Variants in SLC45A1 observed in about 807,000 individuals in gnomAD.
SLC45A1 encodes the protein solute carrier family 45 member 1, also known as proton-associated sugar transporter A.
In SLC45A1, 28 loss-of-function variants were observed where a neutral mutation model predicts 57.6. That is an observed-to-expected ratio of 0.49 (90% CI 0.36 to 0.67). The LOEUF is 0.67. Ranked by LOEUF, SLC45A1 falls within the 30% of genes least tolerant of loss-of-function variation. The pLI is 0.00. For missense variants in SLC45A1, 814 were observed against 1,041.5 expected, an observed-to-expected ratio of 0.78 and a Z score of 3.01; for synonymous variants, 459 against 471.5, an observed-to-expected ratio of 0.97 and a Z score of 0.34.
chr1:8,341,120 A>G (rs1163705830), intron 8 of SLC45A1, among the ~76,000 whole-genome samples: 38 of 147,380 alleles, frequency 2.6e-4, no homozygotes, highest in South Asian at 1.3e-3. Flanking sequence ...TGAATCTGGG[A>G]GGCGGAGGTT....
At chr1:8,341,797 A>G (rs1640826961) in intron 8 of SLC45A1, among the ~76,000 whole-genome samples, 2 of 152,006 alleles carry the variant, frequency 1.3e-5, no homozygotes, top group Admixed American at 6.5e-5. Flanking sequence ...GCCCGTGCCC[A>G]TAATTCCAGC....
intron 5 of SLC45A1, among the ~76,000 whole-genome samples, chr1:8,333,588 A>G (rs1640492064): frequency 6.6e-6 from 1 of 151,224 alleles, no homozygotes; most frequent in Non-Finnish European, 1.5e-5. Flanking sequence ...GGTGTGCACC[A>G]CCACACCCAG....
chr1:8,330,309 C>T lies in SLC45A1; in HGVS notation c.816C>T (p.Phe272=). 6.2e-7 allele frequency: 1 copy of T among 1,613,778 alleles called. No homozygotes were observed. ...LGGQLRVIYL[F]TAVTLSVTTV... is the part of the protein sequence containing the mutation. Reference sequence around the variant, plus strand: ...GACAGCTCCGAGTCATTTACCTCTTCACTGCGGTCACCCTGAGCGTCACCA... The same window carrying T: ...GACAGCTCCGAGTCATTTACCTCTTTACTGCGGTCACCCTGAGCGTCACCA... The change falls in exon 5 of 9, where the codon TTC becomes TTT. Residue 272 remains phenylalanine, a synonymous_variant. Coordinates refer to ENST00000471889, the MANE Select transcript of SLC45A1 (RefSeq NM_001080397.3). This position sits in a 1 kb window ranked among gnomAD's most constrained non-coding sequence, Gnocchi z 8.4.
chr1:8,324,504 T>TGCCCACCCCCCCCC lies in SLC45A1; in HGVS notation c.175_176insGCCCACCCCCCCCC (p.Ser59CysfsTer55). The TGCCCACCCCCCCCC allele has an allele frequency of 2.6e-6, 4 of 1,528,668 alleles. No individual in the cohort carries two copies. The highest frequency in any genetic ancestry group is 3.6e-6 in the Non-Finnish European group (4 of 1,108,742). The allele number at this position is 1,528,668 out of a possible 1,614,324, so 94.7% of individuals were successfully genotyped here. A position where few individuals can be genotyped will look rare whatever the true frequency, so the allele number is the denominator to read the frequency against. On this transcript the variant is annotated frameshift_variant, in exon 2 of 9. Transcript: ENST00000471889. LOFTEE classifies it high-confidence loss of function. The stretch of plus-strand genomic sequence containing the variant: ...CAAGAGGAGGAAGTGCATTCGTCCC[T>TGCCCACCCCCCCCC]CCCCACCCCCGCCCCCCAACACCCC...
chr1:8,333,345 C>A (rs894370572), intron 5 of SLC45A1, among the ~76,000 whole-genome samples: 2 of 151,870 alleles, frequency 1.3e-5, no homozygotes, highest in African/African-American at 4.8e-5. Flanking sequence ...CCATGCTGCC[C>A]AGGCTGGTCT....
intron 5 of SLC45A1, among the ~76,000 whole-genome samples, chr1:8,334,287 C>T (rs969923475): frequency 1.3e-5 from 2 of 152,220 alleles, no homozygotes; most frequent in East Asian, 1.9e-4. Context: ...GCTGTTCCTC[C>T]GCAGGCATGG....
Position 8,343,492 on chromosome 1 carries a change from G to A in SLC45A1, c.1981-255G>A, listed in dbSNP as rs1640894934. Among the ~76,000 whole-genome samples the A allele has an allele frequency of 6.6e-6, 1 of 151,998 alleles. No homozygotes were observed. Among genetic ancestry groups the A allele is most frequent in the South Asian group, 2.1e-4 (1 of 4,832 alleles). On this transcript the variant is annotated intron_variant, in intron 8 of 8. Transcript: ENST00000471889. The surrounding 1 kb of genome is among the most constrained non-coding windows in gnomAD (Gnocchi z 7.7). ...AGCTCAAGTGCTGAGCGGGGAAAGT[G>A]TCTCCCGCCACCTCGGCCCGTGGGA...
Position 8,330,213 on chromosome 1 carries a change from C to T in SLC45A1, c.720C>T (p.Leu240=), listed in dbSNP as rs200341486. The change falls in exon 5 of 9, where the codon CTC becomes CTT. Residue 240 remains leucine (L), a synonymous_variant. Transcript: ENST00000471889. The surrounding 1 kb of genome is among the most constrained non-coding windows in gnomAD (Gnocchi z 8.4). ...AAACCCTGTCTCTTTCCCCAGGTCT[C>T]GGAGGAGGCTTTGGATACGTGGTCG... ...GLNIHALLAG[L]GGGFGYVVGG... The T allele has an allele frequency of 3.5e-5, 56 of 1,612,946 alleles. No homozygotes were observed. In the East Asian group the frequency reaches 8.0e-4, roughly 23 times the overall value.
chr1:8,334,548 T>A (rs964874728), intron 5 of SLC45A1, among the ~76,000 whole-genome samples: 5 of 151,984 alleles, frequency 3.3e-5, no homozygotes, highest in African/African-American at 9.7e-5. Context: ...AACAATTTTT[T>A]AAAAATTAGC....
At chr1:8,342,937 A>G (rs1293566853) in intron 8 of SLC45A1, among the ~76,000 whole-genome samples, 2 of 151,972 alleles carry the variant, frequency 1.3e-5, no homozygotes, top group Non-Finnish European at 2.9e-5. Context: ...AAGAAAGAAA[A>G]GAAATGTGAC....
intron 7 of SLC45A1, 144 bp from the exon 8 acceptor site, chr1:8,339,349 T>C: frequency 2.8e-6 from 2 of 719,824 alleles, no homozygotes; most frequent in Non-Finnish European, 2.3e-6. Flanking sequence ...CCCCAGGAAG[T>C]ACTTTCTGGT....
chr1:8,324,179 C>A, intron 1 of SLC45A1, 127 bp from the exon 2 acceptor site: 1 of 875,146 alleles, frequency 1.1e-6, no homozygotes, highest in Non-Finnish European at 1.8e-6. Flanking sequence ...GAGCATCAAC[C>A]ATGAGCAGTG....
intron 1 of SLC45A1, among the ~76,000 whole-genome samples, chr1:8,318,562 C>T (rs1639896409): frequency 6.6e-6 from 1 of 152,198 alleles, no homozygotes; most frequent in Admixed American, 6.5e-5. Context: ...GGGCTGAGCC[C>T]TCTTGTTGAC....
Position 8,344,034 on chromosome 1 carries a change from G to A in SLC45A1, c.*21G>A, listed in dbSNP as rs762175074. 8.8e-6 allele frequency: 14 copies of A among 1,589,892 alleles called. No homozygotes were observed. The East Asian group carries it at 1.8e-4, about 20-fold the overall frequency. On this transcript the variant is annotated 3_prime_UTR_variant, in exon 9 of 9. Transcript: ENST00000471889. ...TCTGACATCGCGGAGCCTCGACTCC[G>A]GACACGCGCCTGCACCTGGGGGTCT...
At chr1:8,342,334 TTTCA>T (rs1640852281) in intron 8 of SLC45A1, among the ~76,000 whole-genome samples, 1 of 152,180 alleles carries the variant, frequency 6.6e-6, no homozygotes, top group Non-Finnish European at 1.5e-5. Context: ...CGTTCGGCGG[TTTCA>T]GCACACGCAG....
chr1:8,341,440 C>T (rs1235154293), intron 8 of SLC45A1, among the ~76,000 whole-genome samples: 4 of 150,208 alleles, frequency 2.7e-5, no homozygotes, highest in Non-Finnish European at 4.4e-5. Flanking sequence ...GAGGCTGAGG[C>T]AGGAGAATGG....
Position 8,343,854 on chromosome 1 carries a change from G to A in SLC45A1, c.2088G>A (p.Gly696=). The change falls in exon 9 of 9, where the codon GGG becomes GGA. Residue 696 remains glycine (G), a synonymous_variant. Coordinates refer to ENST00000471889, the MANE Select transcript of SLC45A1 (RefSeq NM_001080397.3). The surrounding 1 kb of genome is among the most constrained non-coding windows in gnomAD (Gnocchi z 7.7). ...AGATTCTGGTCTCCCTGGTCCTGGG[G>A]CCCCTGACCTCGGCCGTGGGCAGTG... is the stretch of plus-strand genomic sequence containing the variant. ...LAQILVSLVL[G]PLTSAVGSAN... The A allele has an allele frequency of 6.2e-7, 1 of 1,614,144 alleles. No individual in the cohort carries two copies. Among genetic ancestry groups the A allele is most frequent in the Non-Finnish European group, 8.5e-7 (1 of 1,180,016 alleles).
Position 8,328,484 on chromosome 1 carries a change from T to G in SLC45A1, c.716-1725T>G, listed in dbSNP as rs1640269808. ...GGCAGAGAGGAAGAAGGACGTCGGT[T>G]TTTACCTTACGCCCGTCTATGAGAA... On this transcript the variant is annotated intron_variant, in intron 4 of 8. Coordinates refer to ENST00000471889, the MANE Select transcript of SLC45A1 (RefSeq NM_001080397.3). This position sits in a 1 kb window ranked among gnomAD's most constrained non-coding sequence, Gnocchi z 4.6. Among the ~76,000 whole-genome samples the G allele has an allele frequency of 6.6e-6, 1 of 152,174 alleles. No homozygotes were observed. Among genetic ancestry groups the G allele is most frequent in the Admixed American group, 6.5e-5 (1 of 15,272 alleles).
chr1:8,336,044 T>C (rs899559054), intron 6 of SLC45A1: 1 of 161,500 alleles, frequency 6.2e-6, no homozygotes, highest in Non-Finnish European at 1.3e-5. Context: ...TGTATGAGCA[T>C]TGAAAAGCAC....
Sources: gnomAD v4.1 joint callset for allele counts (sites outside exome capture counted in the v4.1 genomes callset) on GRCh38, gnomAD v4.1.1 for gene constraint, Gnocchi (gnomAD v3.1) non-coding constraint, MANE v1.5 for transcripts, NCBI Gene and HGNC (gene_info 2026-07-23, HGNC 2026-07-21) for gene names.